Variants in EIF5 observed in about 807,000 individuals in gnomAD.
The protein encoded by EIF5 is eukaryotic translation initiation factor 5.
Under a neutral mutation model 48.3 loss-of-function variants are expected in EIF5, and 10 were observed. The observed-to-expected ratio is 0.21, with a 90% CI of 0.13 to 0.35. The LOEUF (loss-of-function observed/expected upper bound fraction) is 0.35. Ranked by LOEUF, EIF5 falls within the 10% of genes least tolerant of loss-of-function variation. The pLI is 1.00. For synonymous variants in EIF5, 237 were observed against 173.1 expected (o/e 1.37, Z -2.90); for missense variants, 397 against 533.2 (o/e 0.74, Z 2.51).
chr14:103,340,702 C>T, intron 11 of EIF5, 141 bp downstream of exon 11: 8 of 1,160,834 alleles, frequency 6.9e-6, no homozygotes, highest in Non-Finnish European at 9.6e-6. Context: ...TACAGCCTCT[C>T]AATAATTTGG....
chr14:103,342,299 A>T lies in EIF5; in HGVS notation c.*1247A>T, dbSNP rs2089362928. The stretch of plus-strand genomic sequence containing the variant: ...TCTGATGGCCACCTGAGTGCAGGTG[A>T]CAAGGACCTGACAGAGCCCATGCAG... On this transcript the variant is annotated 3_prime_UTR_variant, in exon 12 of 12. Coordinates refer to ENST00000216554, the MANE Select transcript of EIF5 (RefSeq NM_001969.5). 6.6e-6 allele frequency: 1 copy of T among 152,226 alleles called. No individual in the cohort carries two copies. The highest frequency in any genetic ancestry group is 2.1e-4 in the South Asian group (1 of 4,830). The allele number at this position is 152,226 out of a possible 1,614,324, so 9.4% of individuals were successfully genotyped here.
At position 103,336,813 on chromosome 14, in the gene EIF5, T is replaced by G. The variant is rs762319834; in HGVS notation, c.291T>G (p.Val97=). Residue 97 remains valine, a synonymous_variant, in exon 5 of 12, where the codon GTT becomes GTG. Coordinates refer to ENST00000216554, the MANE Select transcript of EIF5 (RefSeq NM_001969.5). ...TGGATGGATTCATTAAAAAATTTGT[T>G]CTCTGTCCTGAATGTGAGAATCCTG... ...DMLDGFIKKF[V]LCPECENPET... 17 of 1,613,934 alleles carry G rather than the reference T, an allele frequency of 1.1e-5. No individual in the cohort carries two copies. The South Asian group carries it at 1.9e-4, about 18-fold the overall frequency.
chr14:103,344,331 TGG>T lies in EIF5; in HGVS notation c.*3281_*3282del, dbSNP rs1178283372. 6.6e-6 allele frequency: 1 copy of T among 152,212 alleles called. No individual in the cohort carries two copies. The highest frequency in any genetic ancestry group is 1.5e-5 in the Non-Finnish European group (1 of 68,038). 9.4% of individuals were successfully genotyped at this position (152,212 alleles called of 1,614,324 possible). On this transcript the variant is annotated 3_prime_UTR_variant, in exon 12 of 12. Coordinates refer to ENST00000216554, the MANE Select transcript of EIF5 (RefSeq NM_001969.5). The stretch of plus-strand genomic sequence containing the variant: ...AGAAATTTTAAGGACTTGTGTGTGC[TGG>T]GATATGAGAATAGAAGCTACAGAGT...
intron 8 of EIF5, 69 bp downstream of exon 8, chr14:103,338,962 C>G: frequency 6.4e-7 from 1 of 1,557,032 alleles, no homozygotes; most frequent in Non-Finnish European, 8.7e-7. Context: ...ATATATGATA[C>G]TTTAGCAGTG....
At chr14:103,338,996 G>A in intron 8 of EIF5, 103 bp downstream of exon 8, 3 of 1,497,204 alleles carry the variant, frequency 2.0e-6, no homozygotes, top group South Asian at 1.3e-5. Flanking sequence ...TCTAATGCAC[G>A]ACTTTTTAGA....
rs1356509137 is a variant in EIF5 at position 103,343,810 on chromosome 14, C to CT, written c.*2759dup. ...GTACTGTTGTACCAAGGTCACTTAT[C>CT]TAACAAAATAACCCTTCATGTATTT... On this transcript the variant is annotated 3_prime_UTR_variant, in exon 12 of 12. Coordinates refer to ENST00000216554, the MANE Select transcript of EIF5 (RefSeq NM_001969.5). The CT allele has an allele frequency of 6.6e-6, 1 of 152,224 alleles. No individual in the cohort carries two copies. The highest frequency in any genetic ancestry group is 2.4e-5 in the African/African-American group (1 of 41,446). The allele number at this position is 152,224 out of a possible 1,614,324, so 9.4% of individuals were successfully genotyped here. A position where few individuals can be genotyped will look rare whatever the true frequency, so the allele number is the denominator to read the frequency against.
At position 103,341,164 on chromosome 14, in the gene EIF5, A is replaced by C. The variant is rs1348936339; in HGVS notation, c.*112A>C. 2.2e-6 allele frequency: 2 copies of C among 891,538 alleles called. No individual in the cohort carries two copies. The highest frequency in any genetic ancestry group is 3.6e-6 in the Non-Finnish European group (2 of 554,370). 55.2% of individuals were successfully genotyped at this position (891,538 alleles called of 1,614,324 possible). The stretch of plus-strand genomic sequence containing the variant: ...CTAAAATGGCTTAACATCATGCTAC[A>C]CTTTACACTAAAAATCTATTACTGT... On this transcript the variant is annotated 3_prime_UTR_variant, in exon 12 of 12. Transcript: ENST00000216554.
chr14:103,336,173 C>CT (rs1244351082), intron 4 of EIF5, 56 bp downstream of exon 4: 18 of 1,521,230 alleles, frequency 1.2e-5, no homozygotes, highest in Middle Eastern at 3.4e-4. Flanking sequence ...TCTTCAAAGT[C>CT]TTTGAGCTGC....
At position 103,339,009 on chromosome 14, in the gene EIF5, T is replaced by C. The variant is rs186685915; in HGVS notation, c.744+116T>C. 1.3e-4 allele frequency: 187 copies of C among 1,487,034 alleles called. No homozygotes were observed. In the East Asian group the frequency reaches 1.5e-3, roughly 12 times the overall value. 92.1% of individuals were successfully genotyped at this position (1,487,034 alleles called of 1,614,324 possible). A position where few individuals can be genotyped will look rare whatever the true frequency, so the allele number is the denominator to read the frequency against. On this transcript the variant is annotated intron_variant, in intron 8 of 11. Coordinates refer to ENST00000216554, the MANE Select transcript of EIF5 (RefSeq NM_001969.5). ...ACTCTAATGCACGACTTTTTAGAACTCTTGTTCATTTAAATATTTTTTGCG... is the reference window on the plus strand; with the variant it reads ...ACTCTAATGCACGACTTTTTAGAACCCTTGTTCATTTAAATATTTTTTGCG...
chr14:103,341,337 A>C lies in EIF5; in HGVS notation c.*285A>C, dbSNP rs2089350540. The C allele has an allele frequency of 4.0e-6, 1 of 247,504 alleles. No homozygotes were observed. The highest frequency in any genetic ancestry group is 4.8e-5 in the Admixed American group (1 of 20,648). 15.3% of individuals were successfully genotyped at this position (247,504 alleles called of 1,614,324 possible). A position where few individuals can be genotyped will look rare whatever the true frequency, so the allele number is the denominator to read the frequency against. On this transcript the variant is annotated 3_prime_UTR_variant, in exon 12 of 12. Coordinates refer to ENST00000216554, the MANE Select transcript of EIF5 (RefSeq NM_001969.5). ...CACATTTATACAGTTATAAAAATAA[A>C]GGTTTGATTTTGGTCGTTCTTCAGA...
chr14:103,338,835 GTGA>G lies in EIF5; in HGVS notation c.691_693del (p.Asp231del), dbSNP rs1159598574. On this transcript the variant is annotated inframe_deletion, in exon 8 of 12. Transcript: ENST00000216554. ...GACCATGCAAAAGTTCTGACACTCA[GTGA>G]TGATTTGGAAAGAACAATTGAGGAG... 1 of 1,614,212 alleles carries G rather than the reference GTGA, an allele frequency of 6.2e-7. No homozygotes were observed. The highest frequency in any genetic ancestry group is 8.5e-7 in the Non-Finnish European group (1 of 1,180,032).
chr14:103,339,163 T>C lies in EIF5; in HGVS notation c.745-9T>C. 6.2e-7 allele frequency: 1 copy of C among 1,600,564 alleles called. No homozygotes were observed. The highest frequency in any genetic ancestry group is 8.5e-7 in the Non-Finnish European group (1 of 1,176,252). ...CCATTGCACTGAATTGTTTTCCTTT[T>C]CTTTGCAGAAAAAGAAAGAAGAGGG... On this transcript the variant is annotated splice_polypyrimidine_tract_variant and intron_variant, in intron 8 of 11. Coordinates refer to ENST00000216554, the MANE Select transcript of EIF5 (RefSeq NM_001969.5).
Position 103,342,325 on chromosome 14 carries a change from G to A in EIF5, c.*1273G>A, listed in dbSNP as rs1329891535. On this transcript the variant is annotated 3_prime_UTR_variant, in exon 12 of 12. Coordinates refer to ENST00000216554, the MANE Select transcript of EIF5 (RefSeq NM_001969.5). Reference sequence around the variant, plus strand: ...CAAGGACCTGACAGAGCCCATGCAGGGCTTTAGATTTGGACACACAAGAGT... The same window carrying A: ...CAAGGACCTGACAGAGCCCATGCAGAGCTTTAGATTTGGACACACAAGAGT... 1 of 152,100 alleles carries A rather than the reference G, an allele frequency of 6.6e-6. No homozygotes were observed. The highest frequency in any genetic ancestry group is 1.5e-5 in the Non-Finnish European group (1 of 68,030). 9.4% of individuals were successfully genotyped at this position (152,100 alleles called of 1,614,324 possible). A position where few individuals can be genotyped will look rare whatever the true frequency, so the allele number is the denominator to read the frequency against.
rs142695713 is a variant in EIF5, at chr14:103,339,011, T to G, written c.744+118T>G. On this transcript the variant is annotated intron_variant, in intron 8 of 11. Coordinates refer to ENST00000216554, the MANE Select transcript of EIF5 (RefSeq NM_001969.5). Reference sequence around the variant, plus strand: ...TCTAATGCACGACTTTTTAGAACTCTTGTTCATTTAAATATTTTTTGCGCG... The same window carrying G: ...TCTAATGCACGACTTTTTAGAACTCGTGTTCATTTAAATATTTTTTGCGCG... 169 of 1,487,244 alleles carry G rather than the reference T, an allele frequency of 1.1e-4. 2 individuals are homozygous for G. In the African/African-American group the frequency reaches 1.7e-3, roughly 15 times the overall value. 92.1% of individuals were successfully genotyped at this position (1,487,244 alleles called of 1,614,324 possible). A position where few individuals can be genotyped will look rare whatever the true frequency, so the allele number is the denominator to read the frequency against.
At chr14:103,335,622 T>G in intron 2 of EIF5, 31 bp from the exon 3 acceptor site, 1 of 551,760 alleles carries the variant, frequency 1.8e-6, no homozygotes. Context: ...CCTGGGGGGA[T>G]TTTTGTGTGT....
At position 103,339,153 on chromosome 14, in the gene EIF5, G is replaced by A. The variant is rs191929257; in HGVS notation, c.745-19G>A. 1.3e-6 allele frequency: 2 copies of A among 1,599,420 alleles called. No individual in the cohort carries two copies. The highest frequency in any genetic ancestry group is 3.6e-5 in the Admixed American group (2 of 55,910). On this transcript the variant is annotated intron_variant, in intron 8 of 11. Coordinates refer to ENST00000216554, the MANE Select transcript of EIF5 (RefSeq NM_001969.5). The stretch of plus-strand genomic sequence containing the variant: ...AAGTGTGCCTCCATTGCACTGAATT[G>A]TTTTCCTTTTCTTTGCAGAAAAAGA...
In EIF5 at chr14:103,335,973, T is replaced by A. The variant is rs367935720; in HGVS notation, c.72+41T>A. Reference sequence around the variant, plus strand: ...TCAATTTAGTTGATAGCTCTTTTTGTAGAATTTTGAAGTTTGCATTTGTCA... The same window carrying A: ...TCAATTTAGTTGATAGCTCTTTTTGAAGAATTTTGAAGTTTGCATTTGTCA... On this transcript the variant is annotated intron_variant, in intron 3 of 11. Transcript: ENST00000216554. The A allele has an allele frequency of 3.1e-6, 5 of 1,614,014 alleles. No homozygotes were observed. In the Admixed American group the frequency reaches 8.3e-5, roughly 27 times the overall value.
At position 103,341,321 on chromosome 14, in the gene EIF5, A is replaced by AC; in HGVS notation, c.*270dup. On this transcript the variant is annotated 3_prime_UTR_variant, in exon 12 of 12. Transcript: ENST00000216554. ...GTGGACACATTTGGATCACATTTAT[A>AC]CAGTTATAAAAATAAAGGTTTGATT... 6.7e-6 allele frequency: 2 copies of AC among 300,154 alleles called. No homozygotes were observed. Among genetic ancestry groups the AC allele is most frequent in the South Asian group, 5.5e-5 (1 of 18,256 alleles). 18.6% of individuals were successfully genotyped at this position (300,154 alleles called of 1,614,324 possible).
chr14:103,334,416 T>C lies in EIF5; in HGVS notation c.-390T>C, dbSNP rs1595360942. The C allele has an allele frequency of 6.6e-6, 1 of 152,312 alleles. No homozygotes were observed. Among genetic ancestry groups the C allele is most frequent in the East Asian group, 2.0e-4 (1 of 5,120 alleles). 9.4% of individuals were successfully genotyped at this position (152,312 alleles called of 1,614,324 possible). On this transcript the variant is annotated 5_prime_UTR_variant, in exon 2 of 12. Coordinates refer to ENST00000216554, the MANE Select transcript of EIF5 (RefSeq NM_001969.5). Reference sequence around the variant, plus strand: ...CGCCCAGCTCCGGCGCTGACGGGTGTGGACCGCGGACGTCGCTGGGACAGC... The same window carrying C: ...CGCCCAGCTCCGGCGCTGACGGGTGCGGACCGCGGACGTCGCTGGGACAGC...
Sources: allele counts gnomAD v4.1 joint callset, GRCh38; gene constraint gnomAD v4.1.1; transcripts MANE v1.5; gene names NCBI Gene and HGNC (gene_info 2026-07-23, HGNC 2026-07-21).